The following PTH2R variants were observed in gnomAD, a reference collection of about 807,000 sequenced individuals.
PTH2R encodes parathyroid hormone 2 receptor, also known as PTH2 receptor.
A neutral mutation model predicts 60.3 loss-of-function variants in PTH2R; 59 were observed. That is an observed-to-expected ratio of 0.98 (90% CI 0.79 to 1.22). PTH2R has a LOEUF of 1.22. Among genes scored for constraint, PTH2R ranks in the 50% most tolerant of loss-of-function variants. The pLI is 0.00. For missense variants in PTH2R, 749 were observed against 682.6 expected, an observed-to-expected ratio of 1.10 and a Z score of -1.08; for synonymous variants, 256 against 243.8, an observed-to-expected ratio of 1.05 and a Z score of -0.47.
chr2:208,437,347 T>A (rs574430310), intron 2 of PTH2R, among the ~76,000 whole-genome samples, 190 bp from the exon 3 acceptor site: 1 of 152,348 alleles, frequency 6.6e-6, no homozygotes, highest in Non-Finnish European at 1.5e-5. Flanking sequence ...TGAATGAGCC[T>A]TTGATGAAGC....
intron 1 of PTH2R, among the ~76,000 whole-genome samples, chr2:208,374,901 C>T (rs1445986416): frequency 1.3e-5 from 2 of 152,026 alleles, no homozygotes; most frequent in East Asian, 1.9e-4. Context: ...TGGCTAGATC[C>T]GGTGCTGCAA....
At chr2:208,422,114 C>T (rs995708671) in intron 1 of PTH2R, among the ~76,000 whole-genome samples, 1 of 152,132 alleles carries the variant, frequency 6.6e-6, no homozygotes, top group Non-Finnish European at 1.5e-5. Flanking sequence ...GCATAAATCT[C>T]ATTTTGAGGG....
Position 208,493,286 on chromosome 2 carries a change from T to A in PTH2R, c.1280T>A (p.Met427Lys). ...TAGGTTCAGGCAGAGGTGAAGAAGATGTGGAGTCGGTGGAACCTCTCCGTG... is the reference window on the plus strand; with the variant it reads ...TAGGTTCAGGCAGAGGTGAAGAAGAAGTGGAGTCGGTGGAACCTCTCCGTG... ...NGEVQAEVKK[M>K]WSRWNLSVDW... The change falls in exon 13 of 13, where the codon ATG (methionine) becomes AAG (lysine). Residue 427 changes from methionine (M) to lysine (K), a missense_variant. Met to Lys is a moderately conservative substitution (Grantham distance 95). Coordinates refer to ENST00000272847, the MANE Select transcript of PTH2R (RefSeq NM_005048.4). 2.6e-6 allele frequency: 4 copies of A among 1,516,248 alleles called. No individual in the cohort carries two copies. The highest frequency in any genetic ancestry group is 3.5e-6 in the Non-Finnish European group (4 of 1,129,650). The allele number at this position is 1,516,248 out of a possible 1,614,324, so 93.9% of individuals were successfully genotyped here.
At chr2:208,471,569 C>G (rs1016834556) in intron 9 of PTH2R, among the ~76,000 whole-genome samples, 1 of 152,262 alleles carries the variant, frequency 6.6e-6, no homozygotes, top group Non-Finnish European at 1.5e-5. Flanking sequence ...TTGGAAACCT[C>G]TGCCTAAATT....
intron 1 of PTH2R, among the ~76,000 whole-genome samples, chr2:208,383,609 A>G (rs973706146): frequency 3.9e-5 from 6 of 152,042 alleles, no homozygotes; most frequent in Non-Finnish European, 8.8e-5. Context: ...ACACTTGGCT[A>G]TTTATCTAAA....
chr2:208,432,006 G>T (rs1426766495), intron 2 of PTH2R, among the ~76,000 whole-genome samples: 1 of 152,184 alleles, frequency 6.6e-6, no homozygotes, highest in Non-Finnish European at 1.5e-5. Flanking sequence ...GTCTAATAGT[G>T]TCTGAAAAGG....
At chr2:208,467,340 C>G (rs1284672083) in intron 9 of PTH2R, among the ~76,000 whole-genome samples, 1 of 151,998 alleles carries the variant, frequency 6.6e-6, no homozygotes, top group East Asian at 1.9e-4. Flanking sequence ...CTTCTCCTAA[C>G]CTAAAAATCT....
chr2:208,493,478 C>T lies in PTH2R; in HGVS notation c.1472C>T (p.Thr491Ile). The T allele has an allele frequency of 6.2e-7, 1 of 1,612,440 alleles. No individual in the cohort carries two copies. The highest frequency in any genetic ancestry group is 8.5e-7 in the Non-Finnish European group (1 of 1,178,926). ...IASRQPDSHI[T>I]LPGYVWSNSE... ...AGCAGACAGCCTGACAGCCACATCACTTTACCTGGCTATGTCTGGAGTAAC... is the reference window on the plus strand; with the variant it reads ...AGCAGACAGCCTGACAGCCACATCATTTTACCTGGCTATGTCTGGAGTAAC... The change falls in exon 13 of 13, where the codon ACT (threonine) becomes ATT (isoleucine). Residue 491 changes from threonine to isoleucine, a missense_variant. By Grantham distance (89) the Thr-to-Ile change is moderately conservative. Transcript: ENST00000272847.
chr2:208,459,804 G>A, intron 8 of PTH2R, 91 bp from the exon 9 acceptor site: 2 of 998,542 alleles, frequency 2.0e-6, no homozygotes, highest in South Asian at 2.8e-5. Flanking sequence ...GAAGTGTGGG[G>A]TTGGAGTTTT....
At chr2:208,439,632 T>A (rs1252267418) in intron 4 of PTH2R, among the ~76,000 whole-genome samples, 1 of 152,042 alleles carries the variant, frequency 6.6e-6, no homozygotes, top group Non-Finnish European at 1.5e-5. Context: ...TAAATTTTTA[T>A]ATAATTGGCT....
At position 208,444,672 on chromosome 2, in the gene PTH2R, A is replaced by C. The variant is rs112196621; in HGVS notation, c.700-62A>C. On this transcript the variant is annotated intron_variant, in intron 6 of 12. Transcript: ENST00000272847. Reference sequence around the variant, plus strand: ...TGAAGACTTGTTTTTTAGTGGTCTAATGTTGGCATCCAGTACAACAAAGTG... The same window carrying C: ...TGAAGACTTGTTTTTTAGTGGTCTACTGTTGGCATCCAGTACAACAAAGTG... 2,236 of 1,501,370 alleles carry C rather than the reference A, an allele frequency of 1.5e-3. 34 individuals carry two copies. The African/African-American group carries it at 0.027, about 18-fold the overall frequency. The allele number at this position is 1,501,370 out of a possible 1,614,324, so 93.0% of individuals were successfully genotyped here.
chr2:208,423,583 C>T (rs749967167), intron 1 of PTH2R, among the ~76,000 whole-genome samples: 3 of 152,132 alleles, frequency 2.0e-5, no homozygotes, highest in Admixed American at 6.5e-5. Flanking sequence ...CTGGGTGAAG[C>T]GTTCAGTAAA....
chr2:208,463,859 A>G (rs1702682226), intron 9 of PTH2R, among the ~76,000 whole-genome samples: 1 of 152,204 alleles, frequency 6.6e-6, no homozygotes, highest in East Asian at 1.9e-4. Flanking sequence ...AGACTCCACG[A>G]TCCCCTAGGA....
intron 1 of PTH2R, among the ~76,000 whole-genome samples, chr2:208,363,481 G>T (rs12998277): frequency 0.13 from 19,148 of 152,164 alleles, 1,360 homozygotes; most frequent in African/African-American, 0.19. Context: ...GAACATATGT[G>T]TGCATGTGTC....
Position 208,377,527 on chromosome 2 carries a change from CGGCTGGCCGGGCGGGGGCTG to C in PTH2R, c.-259+17291_-259+17310del, listed in dbSNP as rs1559202240. On this transcript the variant is annotated intron_variant, in intron 1 of 12. Transcript: ENST00000617735. ...GCCCCCACCTCCCTCCCAGACGGGG[CGGCTGGCCGGGCGGGGGCTG>C]ACCCCCCACCTGCCTCTGGGACGGG... Among the ~76,000 whole-genome samples, 1,297 of 148,052 alleles carry C rather than the reference CGGCTGGCCGGGCGGGGGCTG, an allele frequency of 8.8e-3. 34 individuals carry two copies. The highest frequency in any genetic ancestry group is 0.031 in the African/African-American group (1,249 of 40,190).
At chr2:208,451,165 G>A (rs1339172347) in intron 8 of PTH2R, among the ~76,000 whole-genome samples, 1 of 152,152 alleles carries the variant, frequency 6.6e-6, no homozygotes, top group Non-Finnish European at 1.5e-5. Context: ...AGGATAGGCA[G>A]TGTTCATACT....
chr2:208,484,768 T>G (rs1014523397), intron 10 of PTH2R, among the ~76,000 whole-genome samples: 1 of 152,166 alleles, frequency 6.6e-6, no homozygotes, highest in Non-Finnish European at 1.5e-5. Flanking sequence ...AGGAGAGGTT[T>G]TAAGGCCGCA....
chr2:208,426,587 G>C (rs1346734406), intron 1 of PTH2R, among the ~76,000 whole-genome samples: 1 of 152,202 alleles, frequency 6.6e-6, no homozygotes, highest in Non-Finnish European at 1.5e-5. Context: ...GGTGGAAGCA[G>C]GGGAGGTAAT....
At chr2:208,367,178 C>T (rs980875758) in intron 1 of PTH2R, among the ~76,000 whole-genome samples, 4 of 151,960 alleles carry the variant, frequency 2.6e-5, no homozygotes, top group African/African-American at 9.7e-5. Context: ...ACTGCAGCCT[C>T]TGCCTCCTGG....
Sources: gnomAD v4.1 joint callset for allele counts (sites outside exome capture counted in the v4.1 genomes callset) on GRCh38, gnomAD v4.1.1 for gene constraint, MANE v1.5 for transcripts, NCBI Gene and HGNC (gene_info 2026-07-23, HGNC 2026-07-21) for gene names.